CAST: variants seen among roughly 807,000 people sequenced by gnomAD.
CAST encodes the protein calpastatin.
A neutral mutation model predicts 119.6 loss-of-function variants in CAST; 76 were observed. The observed-to-expected ratio is 0.64, with a 90% CI of 0.53 to 0.77. The LOEUF is 0.77. CAST is among the 30% of genes least tolerant of loss of function. The probability of loss-of-function intolerance (pLI) is 0.00; values close to 1 mark genes in which losing one functional copy is unlikely to be tolerated. For synonymous variants in CAST, 319 were observed against 331.6 expected (o/e 0.96, Z 0.41); for missense variants, 953 against 946.5 (o/e 1.01, Z -0.09).
the CAST span, among the ~76,000 whole-genome samples, chr5:96,168,071 T>C: frequency 6.6e-6 from 1 of 152,164 alleles, no homozygotes; most frequent in Non-Finnish European, 1.5e-5. Flanking sequence ...AATGGGCCTG[T>C]GAGGCTGGAA....
chr5:96,346,953 C>T, the CAST span, among the ~76,000 whole-genome samples: 2 of 152,174 alleles, frequency 1.3e-5, no homozygotes, highest in Non-Finnish European at 2.9e-5. Flanking sequence ...CAAATCACTT[C>T]TCTTTTCAAG....
the CAST span, among the ~76,000 whole-genome samples, chr5:96,027,298 T>C: frequency 2.0e-5 from 3 of 152,050 alleles, no homozygotes; most frequent in Non-Finnish European, 4.4e-5. Flanking sequence ...GAAATGCAAA[T>C]AGTTTTATTT....
chr5:96,667,764 C>T (rs1195736558), intron 1 of CAST, among the ~76,000 whole-genome samples: 1 of 152,128 alleles, frequency 6.6e-6, no homozygotes, highest in African/African-American at 2.4e-5. Context: ...CCTGTAATCC[C>T]AGCACTTTGG....
the CAST span, among the ~76,000 whole-genome samples, chr5:96,150,948 A>G: frequency 2.6e-5 from 4 of 152,288 alleles, no homozygotes; most frequent in South Asian, 8.3e-4. Context: ...TGCTGCCCCA[A>G]ACCTGAAGAG....
intron 1 of CAST, among the ~76,000 whole-genome samples, chr5:96,598,526 G>A (rs1747091650): frequency 6.6e-6 from 1 of 152,090 alleles, no homozygotes; most frequent in African/African-American, 2.4e-5. Context: ...TTCTCTCTGT[G>A]GCCTCTGAGT....
At chr5:96,539,094 A>G (rs1211062753) in intron 1 of CAST, among the ~76,000 whole-genome samples, 1 of 152,196 alleles carries the variant, frequency 6.6e-6, no homozygotes, top group African/African-American at 2.4e-5. Context: ...TTTTCTCATA[A>G]AAGTATGTAT....
At chr5:96,411,132 C>T in the CAST span, 27 of 717,008 alleles carry the variant, frequency 3.8e-5, no homozygotes, top group Non-Finnish European at 5.7e-5. Context: ...CTTTTGGCTT[C>T]GATATTGGAA....
At chr5:96,246,375 C>T in the CAST span, among the ~76,000 whole-genome samples, 49 of 151,974 alleles carry the variant, frequency 3.2e-4, 1 homozygote, top group South Asian at 9.6e-3. Context: ...TCAGTAGAGA[C>T]GGGGTTTCAC....
At chr5:96,432,142 C>A in the CAST span, 4 of 1,535,408 alleles carry the variant, frequency 2.6e-6, no homozygotes, top group African/African-American at 5.5e-5. Flanking sequence ...GCATCTCGAC[C>A]CTGCAGTGGG....
At chr5:96,019,784 C>T in the CAST span, among the ~76,000 whole-genome samples, 1 of 152,002 alleles carries the variant, frequency 6.6e-6, no homozygotes, top group Non-Finnish European at 1.5e-5. Flanking sequence ...TTTCACAAGG[C>T]TAATAAACGT....
chr5:96,522,954 A>G (rs550623366), upstream of CAST, among the ~76,000 whole-genome samples: 1 of 152,322 alleles, frequency 6.6e-6, no homozygotes, highest in South Asian at 2.1e-4. Flanking sequence ...GATACTGAAC[A>G]TATTTCAAAG....
the CAST span, among the ~76,000 whole-genome samples, chr5:96,004,516 T>TGCTGG: frequency 6.6e-6 from 1 of 152,326 alleles, no homozygotes; most frequent in South Asian, 2.1e-4. Flanking sequence ...ACCAGTCCTA[T>TGCTGG]GCTGGTAATT....
chr5:96,533,063 A>C (rs566034741), intron 1 of CAST, among the ~76,000 whole-genome samples: 1 of 151,782 alleles, frequency 6.6e-6, no homozygotes, highest in African/African-American at 2.4e-5. Flanking sequence ...AAATAGAATC[A>C]TCTTCTTGCC....
In CAST at chr5:96,645,447, A is replaced by G. The variant is rs1345115815; in HGVS notation, c.61-30092A>G. On this transcript the variant is annotated intron_variant, in intron 1 of 11. Transcript: ENST00000505143. ...AGTCACTAAGTCCAGTGCATGCCCA[A>G]ATAATTTTTAAATGTGAAAATTATT... 5.9e-5 allele frequency among the ~76,000 whole-genome samples: 9 copies of G among 152,186 alleles called. No homozygotes were observed. The East Asian group carries it at 1.2e-3, about 20-fold the overall frequency.
chr5:96,059,231 G>A, the CAST span, among the ~76,000 whole-genome samples: 1 of 152,132 alleles, frequency 6.6e-6, no homozygotes, highest in African/African-American at 2.4e-5. Context: ...GTGTGAGCTT[G>A]CTAAGCAAGG....
chr5:96,219,150 G>A, the CAST span, among the ~76,000 whole-genome samples: 2 of 152,058 alleles, frequency 1.3e-5, no homozygotes, highest in East Asian at 3.9e-4. Context: ...TGAATTGTTT[G>A]AGCTATGTCA....
the CAST span, among the ~76,000 whole-genome samples, chr5:96,250,356 T>A: frequency 6.6e-6 from 1 of 152,268 alleles, no homozygotes; most frequent in Admixed American, 6.5e-5. Flanking sequence ...TCTAGGTTTC[T>A]TCTCTGTGTC....
chr5:96,330,397 C>A, the CAST span, among the ~76,000 whole-genome samples: 2 of 152,164 alleles, frequency 1.3e-5, no homozygotes, highest in Non-Finnish European at 2.9e-5. Flanking sequence ...TCACCTCTCA[C>A]TTAGCTTAGT....
At chr5:96,261,449 C>A in the CAST span, among the ~76,000 whole-genome samples, 1 of 152,130 alleles carries the variant, frequency 6.6e-6, no homozygotes, top group African/African-American at 2.4e-5. Flanking sequence ...GCTTATATAC[C>A]ATAGGGAAAG....
Sources: gnomAD v4.1 joint callset for allele counts (sites outside exome capture counted in the v4.1 genomes callset) on GRCh38, gnomAD v4.1.1 for gene constraint, MANE v1.5 for transcripts, NCBI Gene and HGNC (gene_info 2026-07-23, HGNC 2026-07-21) for gene names.